The following CELF2 variants were observed in gnomAD, a reference collection of about 807,000 sequenced individuals.
The protein encoded by CELF2 is CUGBP Elav-like family member 2, also known as CUG triplet repeat RNA-binding protein 2.
In CELF2, 8 loss-of-function variants were observed where a neutral mutation model predicts 62.6. The ratio of observed to expected loss-of-function variants is 0.13; its 90% CI spans 0.07 to 0.23. The LOEUF (loss-of-function observed/expected upper bound fraction) is 0.23. Among genes scored for constraint, CELF2 ranks in the 10% least tolerant of loss-of-function variants. CELF2 has a pLI of 1.00. For synonymous variants in CELF2, 258 were observed against 250.0 expected, an observed-to-expected ratio of 1.03 and a Z score of -0.30; for missense variants, 333 against 671.0, an observed-to-expected ratio of 0.50 and a Z score of 5.56.
chr10:10,670,562 G>A, the CELF2 span, among the ~76,000 whole-genome samples: 2 of 152,122 alleles, frequency 1.3e-5, no homozygotes, highest in African/African-American at 4.8e-5. Flanking sequence ...CCAGAGTGGG[G>A]CATTTATTAC....
At chr10:10,553,164 C>A in the CELF2 span, among the ~76,000 whole-genome samples, 4 of 152,174 alleles carry the variant, frequency 2.6e-5, no homozygotes, top group Non-Finnish European at 4.4e-5. Flanking sequence ...AGCAAACACA[C>A]CTTATATGGT....
At position 10,804,587 on chromosome 10, in the gene CELF2, A is replaced by G. The variant is rs142443158; in HGVS notation, c.53+5770A>G. ...AGCACTTGATCTCACAAAGATGATG[A>G]ATGTCTGGAGGAAATGTATGGTTTA... On this transcript the variant is annotated intron_variant, in intron 1 of 13. Coordinates refer to the CELF2 transcript ENST00000636488. 3.6e-3 allele frequency among the ~76,000 whole-genome samples: 541 copies of G among 152,346 alleles called. 1 individual carries two copies. Among genetic ancestry groups the G allele is most frequent in the African/African-American group, 0.012 (507 of 41,578 alleles).
Position 11,333,196 on chromosome 10 carries a change from C to CG in CELF2, c.*4143_*4144insG, listed in dbSNP as rs2096061374. 2 of 138,460 alleles carry CG rather than the reference C, an allele frequency of 1.4e-5. No individual in the cohort carries two copies. Among genetic ancestry groups the CG allele is most frequent in the South Asian group, 5.2e-4 (2 of 3,822 alleles). 8.6% of individuals were successfully genotyped at this position (138,460 alleles called of 1,614,324 possible). On this transcript the variant is annotated 3_prime_UTR_variant, in exon 13 of 13. Coordinates refer to ENST00000633077, the MANE Select transcript of CELF2 (RefSeq NM_001326342.2). ...CGAGTGTTTCTTCTTCACAAGTCAC[C>CG]AAGAGAGGACATGAGGGGGAAAGTC...
chr10:10,735,960 T>A, the CELF2 span, among the ~76,000 whole-genome samples: 2 of 152,178 alleles, frequency 1.3e-5, no homozygotes, highest in Non-Finnish European at 2.9e-5. Context: ...AGTGAACACA[T>A]GCTCAATGAA....
Position 11,269,228 on chromosome 10 carries a change from C to T in CELF2, c.619-1438C>T, listed in dbSNP as rs2083033902. Among the ~76,000 whole-genome samples the T allele has an allele frequency of 6.6e-6, 1 of 152,150 alleles. No homozygotes were observed. The highest frequency in any genetic ancestry group is 1.5e-5 in the Non-Finnish European group (1 of 68,026). Reference sequence around the variant, plus strand: ...CAGATTTTTTTAAATGATGGAAATACTATTTTTGTGCAATTTACTGACATT... The same window carrying T: ...CAGATTTTTTTAAATGATGGAAATATTATTTTTGTGCAATTTACTGACATT... On this transcript the variant is annotated intron_variant, in intron 6 of 12. Transcript: ENST00000633077. The surrounding 1 kb of genome is among the most constrained non-coding windows in gnomAD (Gnocchi z 4.4).
chr10:10,644,073 A>G, the CELF2 span, among the ~76,000 whole-genome samples: 1 of 152,146 alleles, frequency 6.6e-6, no homozygotes, highest in African/African-American at 2.4e-5. Context: ...TTTGTTTTCT[A>G]CCAGCTGACA....
At chr10:10,721,985 T>G in the CELF2 span, among the ~76,000 whole-genome samples, 424 of 152,316 alleles carry the variant, frequency 2.8e-3, 9 homozygotes, top group East Asian at 0.034. Flanking sequence ...GAAAGCTTTT[T>G]AAATATAGTA....
At chr10:10,906,126 G>T (rs1301604901) in intron 1 of CELF2, among the ~76,000 whole-genome samples, 2 of 150,876 alleles carry the variant, frequency 1.3e-5, no homozygotes, top group Non-Finnish European at 1.5e-5. Flanking sequence ...CTTAAAAGAT[G>T]ATCTGTCCCA....
chr10:10,501,812 AAG>A, the CELF2 span, among the ~76,000 whole-genome samples: 1 of 152,172 alleles, frequency 6.6e-6, no homozygotes, highest in Non-Finnish European at 1.5e-5. Context: ...TATGTTGAAT[AAG>A]AGTGGTGAGA....
the CELF2 span, among the ~76,000 whole-genome samples, chr10:10,514,755 C>T: frequency 1.3e-5 from 2 of 152,086 alleles, no homozygotes; most frequent in Non-Finnish European, 2.9e-5. Flanking sequence ...AACAGAGGTG[C>T]TTTTAGGGGC....
chr10:10,632,384 CATTATTGTGCAAGCAT>C, the CELF2 span, among the ~76,000 whole-genome samples: 4 of 152,070 alleles, frequency 2.6e-5, no homozygotes, highest in African/African-American at 9.7e-5. Flanking sequence ...CTCATGTTGT[CATTATTGTGCAAGCAT>C]AACTCCATTT....
chr10:10,799,729 AG>A (rs1442196420), intron 1 of CELF2, among the ~76,000 whole-genome samples: 1 of 152,098 alleles, frequency 6.6e-6, no homozygotes, highest in African/African-American at 2.4e-5. Flanking sequence ...CAGAAAAATT[AG>A]AACACAAGGA....
At chr10:11,164,971 T>G in intron 1 of CELF2, 2 of 715,364 alleles carry the variant, frequency 2.8e-6, no homozygotes, top group Non-Finnish European at 3.4e-6. Flanking sequence ...AAGTGTTTCA[T>G]TTTCTTTCCA....
At chr10:11,052,519 T>C (rs917810184) in intron 1 of CELF2, among the ~76,000 whole-genome samples, 7 of 152,182 alleles carry the variant, frequency 4.6e-5, no homozygotes, top group African/African-American at 1.4e-4. Flanking sequence ...GTCCTGTGGG[T>C]TATCAGATGA....
At chr10:10,526,806 T>C in the CELF2 span, among the ~76,000 whole-genome samples, 6 of 152,360 alleles carry the variant, frequency 3.9e-5, no homozygotes, top group East Asian at 1.2e-3. Flanking sequence ...TTAAAATGGC[T>C]GGGTCCTTTC....
At chr10:10,846,491 A>G (rs940625563) in intron 1 of CELF2, among the ~76,000 whole-genome samples, 86 of 152,306 alleles carry the variant, frequency 5.6e-4, no homozygotes, top group African/African-American at 2.1e-3. Flanking sequence ...AGAAGAGTCT[A>G]TGTATGTGAT....
the CELF2 span, among the ~76,000 whole-genome samples, chr10:10,761,099 CA>C: frequency 3.3e-5 from 5 of 150,026 alleles, no homozygotes; most frequent in Non-Finnish European, 7.4e-5. Context: ...TCAACAATTC[CA>C]AAAAAAAATC....
In CELF2 at chr10:11,149,017, ACCT is replaced by A. The variant is rs954975326; in HGVS notation, c.75-16465_75-16463del. Among the ~76,000 whole-genome samples the A allele has an allele frequency of 1.6e-4, 24 of 152,040 alleles. 1 individual carries two copies. Among genetic ancestry groups the A allele is most frequent in the African/African-American group, 5.8e-4 (24 of 41,466 alleles). ...GAGTTTTAACCCATTTAGGAGAGTA[ACCT>A]CCTTCTGAATGCTGCCCAGTCCCTG... On this transcript the variant is annotated intron_variant, in intron 1 of 12. Transcript: ENST00000633077.
Position 11,214,506 on chromosome 10 carries a change from G to A in CELF2, c.272-2919G>A, listed in dbSNP as rs2062774766. On this transcript the variant is annotated intron_variant, in intron 2 of 12. Transcript: ENST00000633077. This position sits in a 1 kb window ranked among gnomAD's most constrained non-coding sequence, Gnocchi z 4.2. ...TGAATAGAGTAGAAATCCAGGCTGG[G>A]ATGGGCTTATCAAGCCATGGACTGT... Among the ~76,000 whole-genome samples, 1 of 152,178 alleles carries A rather than the reference G, an allele frequency of 6.6e-6. No homozygotes were observed. Among genetic ancestry groups the A allele is most frequent in the South Asian group, 2.1e-4 (1 of 4,828 alleles).
Sources: allele counts gnomAD v4.1 joint callset (sites outside exome capture counted in the v4.1 genomes callset), GRCh38; gene constraint gnomAD v4.1.1; non-coding constraint Gnocchi (gnomAD v3.1); transcripts MANE v1.5; gene names NCBI Gene and HGNC (gene_info 2026-07-23, HGNC 2026-07-21).